Variants in ZNF804B observed in about 807,000 individuals in gnomAD.
ZNF804B encodes the protein zinc finger 804B.
Under a neutral mutation model 101.4 loss-of-function variants are expected in ZNF804B, and 80 were observed. The ratio of observed to expected loss-of-function variants is 0.79; its 90% CI spans 0.66 to 0.95. The LOEUF is 0.95. Among genes scored for constraint, ZNF804B ranks in the 40% least tolerant of loss-of-function variants. The pLI is 0.00. For synonymous variants in ZNF804B, 622 were observed against 558.8 expected, an observed-to-expected ratio of 1.11 and a Z score of -1.59; for missense variants, 1,673 against 1,561.9, an observed-to-expected ratio of 1.07 and a Z score of -1.20.
chr7:88,789,921 T>C (rs902370308), intron 1 of ZNF804B, among the ~76,000 whole-genome samples: 1 of 152,124 alleles, frequency 6.6e-6, no homozygotes, highest in Non-Finnish European at 1.5e-5. Context: ...AAATTTATGA[T>C]AGTAGAATGT....
rs972519920 is a variant in ZNF804B at position 89,017,589 on chromosome 7, A to C, written c.109-200566A>C. Among the ~76,000 whole-genome samples, 3 of 152,132 alleles carry C rather than the reference A, an allele frequency of 2.0e-5. No homozygotes were observed. In the East Asian group the frequency reaches 5.8e-4, roughly 29 times the overall value. On this transcript the variant is annotated intron_variant, in intron 1 of 3. Transcript: ENST00000333190. Reference sequence around the variant, plus strand: ...TGGTATTTTAATAGAGATTAGATTGAATCTGTAGATAGCTTTGGATAGTAT... The same window carrying C: ...TGGTATTTTAATAGAGATTAGATTGCATCTGTAGATAGCTTTGGATAGTAT...
intron 2 of ZNF804B, among the ~76,000 whole-genome samples, chr7:89,219,260 C>T (rs1471153354): frequency 1.3e-5 from 2 of 152,088 alleles, no homozygotes; most frequent in Non-Finnish European, 2.9e-5. Flanking sequence ...TTATAGTCTA[C>T]ATCTTTCAAG....
intron 1 of ZNF804B, among the ~76,000 whole-genome samples, chr7:89,061,484 A>G (rs1285664033): frequency 1.3e-5 from 2 of 152,028 alleles, no homozygotes; most frequent in African/African-American, 4.8e-5. Flanking sequence ...ACTACCACCT[A>G]CGCATTTTAT....
chr7:89,172,320 G>A (rs546093380), intron 1 of ZNF804B, among the ~76,000 whole-genome samples: 61 of 152,186 alleles, frequency 4.0e-4, no homozygotes, highest in African/African-American at 1.4e-3. Context: ...AAGAGTAAAT[G>A]GGAAGTGAGA....
At chr7:89,147,310 A>G (rs1790806605) in intron 1 of ZNF804B, among the ~76,000 whole-genome samples, 2 of 151,960 alleles carry the variant, frequency 1.3e-5, no homozygotes, top group African/African-American at 4.8e-5. Context: ...GAGAGCAATG[A>G]CCAGATCCCT....
At chr7:88,782,167 G>A (rs1390055571) in intron 1 of ZNF804B, among the ~76,000 whole-genome samples, 1 of 151,614 alleles carries the variant, frequency 6.6e-6, no homozygotes, top group Non-Finnish European at 1.5e-5. Flanking sequence ...GAGAGAAAAA[G>A]AGATTGGGTT....
At chr7:89,154,098 A>G (rs1353375287) in intron 1 of ZNF804B, among the ~76,000 whole-genome samples, 1 of 152,228 alleles carries the variant, frequency 6.6e-6, no homozygotes, top group East Asian at 1.9e-4. Flanking sequence ...TTCTCAAAAG[A>G]AGACATACAA....
intron 1 of ZNF804B, among the ~76,000 whole-genome samples, chr7:88,918,444 G>C (rs1035088189): frequency 6.6e-6 from 1 of 151,958 alleles, no homozygotes; most frequent in South Asian, 2.1e-4. Context: ...TATGATTTTC[G>C]CATGAGTTAT....
At chr7:89,071,121 A>C (rs1789532109) in intron 1 of ZNF804B, among the ~76,000 whole-genome samples, 1 of 152,112 alleles carries the variant, frequency 6.6e-6, no homozygotes, top group Admixed American at 6.5e-5. Flanking sequence ...TATTTGTTAT[A>C]CTGTGTTGTT....
intron 1 of ZNF804B, among the ~76,000 whole-genome samples, chr7:89,156,225 T>G (rs1171500876): frequency 1.3e-5 from 2 of 151,926 alleles, no homozygotes; most frequent in African/African-American, 2.4e-5. Context: ...GCAATTCTCC[T>G]GCCTCAGCCT....
At chr7:88,875,440 A>T (rs1791915961) in intron 1 of ZNF804B, among the ~76,000 whole-genome samples, 1 of 152,214 alleles carries the variant, frequency 6.6e-6, no homozygotes, top group Non-Finnish European at 1.5e-5. Context: ...AAAAGAGAGA[A>T]GAATCAAATA....
intron 1 of ZNF804B, among the ~76,000 whole-genome samples, chr7:88,938,112 G>A (rs1435527407): frequency 6.6e-6 from 1 of 152,010 alleles, no homozygotes; most frequent in African/African-American, 2.4e-5. Context: ...AGCAGGGTTG[G>A]AAGTGGGGAG....
chr7:89,094,094 A>G (rs1262038057), intron 1 of ZNF804B, among the ~76,000 whole-genome samples: 1 of 152,224 alleles, frequency 6.6e-6, no homozygotes, highest in African/African-American at 2.4e-5. Flanking sequence ...ATTGTCAAAC[A>G]TTTGGGAGGA....
At chr7:89,157,734 C>CT (rs908021280) in intron 1 of ZNF804B, among the ~76,000 whole-genome samples, 14 of 151,890 alleles carry the variant, frequency 9.2e-5, no homozygotes, top group Middle Eastern at 3.4e-3. Context: ...GTTTTTCCAT[C>CT]TTTTTTTTGG....
At chr7:89,328,720 A>T (rs1003222002) in intron 3 of ZNF804B, among the ~76,000 whole-genome samples, 14 of 151,938 alleles carry the variant, frequency 9.2e-5, no homozygotes, top group African/African-American at 3.4e-4. Flanking sequence ...AAGGAGATGC[A>T]GTAAGTCAGA....
intron 1 of ZNF804B, among the ~76,000 whole-genome samples, chr7:89,196,640 T>G (rs1788557796): frequency 6.6e-6 from 1 of 151,960 alleles, no homozygotes; most frequent in Non-Finnish European, 1.5e-5. Context: ...CTAATTAAAC[T>G]AAAGAGCTTC....
At chr7:88,896,357 T>G (rs1243184670) in intron 1 of ZNF804B, among the ~76,000 whole-genome samples, 1 of 152,144 alleles carries the variant, frequency 6.6e-6, no homozygotes, top group Non-Finnish European at 1.5e-5. Context: ...GGAACTGTTT[T>G]GTGAATGTAA....
chr7:89,269,399 T>C (rs559967030), intron 2 of ZNF804B, among the ~76,000 whole-genome samples: 34 of 152,340 alleles, frequency 2.2e-4, no homozygotes, highest in Middle Eastern at 3.4e-3. Flanking sequence ...GAACTCATCC[T>C]TTTTTATGGC....
intron 1 of ZNF804B, among the ~76,000 whole-genome samples, chr7:88,924,657 G>A (rs1365991355): frequency 2.6e-5 from 4 of 152,052 alleles, no homozygotes; most frequent in Non-Finnish European, 4.4e-5. Flanking sequence ...AAATTTACAT[G>A]GCTCACTCAT....
Sources: gnomAD v4.1 joint callset for allele counts (sites outside exome capture counted in the v4.1 genomes callset) on GRCh38, gnomAD v4.1.1 for gene constraint, MANE v1.5 for transcripts, NCBI Gene and HGNC (gene_info 2026-07-23, HGNC 2026-07-21) for gene names.